The following PTPRN2 variants were observed in gnomAD, a reference collection of about 807,000 sequenced individuals.
PTPRN2 encodes the protein protein tyrosine phosphatase receptor type N2.
PTPRN2 carries 74 observed loss-of-function variants against 118.8 expected under a neutral mutation model. The ratio of observed to expected loss-of-function variants is 0.62; its 90% confidence interval spans 0.52 to 0.76. The LOEUF (loss-of-function observed/expected upper bound fraction) is 0.76, where lower values mean the gene tolerates loss of function less well. PTPRN2 is among the 30% of genes least tolerant of loss of function. The pLI, the probability that PTPRN2 is intolerant of heterozygous loss-of-function variation, is 0.00. For synonymous variants in PTPRN2, 641 were observed against 608.0 expected (o/e 1.05, Z -0.80); for missense variants, 1,481 against 1,394.4 (o/e 1.06, Z -0.99).
intron 2 of PTPRN2, among the ~76,000 whole-genome samples, chr7:158,379,846 A>G (rs560760250): frequency 9.2e-5 from 14 of 152,282 alleles, no homozygotes; most frequent in East Asian, 7.7e-4. Context: ...TGGACTCACA[A>G]TTCCACATGG....
In PTPRN2 at chr7:158,167,058, G is replaced by T. The variant is rs1012125743; in HGVS notation, c.783C>A (p.Gly261=). The T allele has an allele frequency of 4.4e-6, 7 of 1,582,346 alleles. No individual in the cohort carries two copies. The African/African-American group carries it at 9.4e-5, about 21-fold the overall frequency. ...AQRPPAPPGE[G]SLEPQYLLRA... ...GCAGAAGGTACTGTGGCTCCAGGCT[G>T]CCCTCCCCGGGGGGAGCTGGGGGCC... The change falls in exon 6 of 23, where the codon GGC becomes GGA. Residue 261 remains glycine, a synonymous_variant. Coordinates refer to ENST00000389418, the MANE Select transcript of PTPRN2 (RefSeq NM_002847.5).
Position 158,071,379 on chromosome 7 carries a change from G to T in PTPRN2, c.1723+9919C>A, listed in dbSNP as rs1473479545. On this transcript the variant is annotated intron_variant, in intron 11 of 22. Transcript: ENST00000389418. ...GGTGGAGGTGCTCATGGTGGTGGAGGTGCTCGTGGTGGAGGTGCTCGTGGT... is the reference window on the plus strand; with the variant it reads ...GGTGGAGGTGCTCATGGTGGTGGAGTTGCTCGTGGTGGAGGTGCTCGTGGT... Among the ~76,000 whole-genome samples, 55 of 95,690 alleles carry T rather than the reference G, an allele frequency of 5.7e-4. 1 individual carries two copies. Among genetic ancestry groups the T allele is most frequent in the Middle Eastern group, 8.6e-3 (1 of 116 alleles). The allele number at this position is 95,690 out of a possible 152,430, so 62.8% of individuals were successfully genotyped here. A position where few individuals can be genotyped will look rare whatever the true frequency, so the allele number is the denominator to read the frequency against.
intron 2 of PTPRN2, among the ~76,000 whole-genome samples, chr7:158,359,520 C>T (rs1051395718): frequency 8.5e-5 from 13 of 152,176 alleles, no homozygotes; most frequent in African/African-American, 2.6e-4. Context: ...AGGACTCCTG[C>T]GGCCTTCAAA....
At chr7:158,468,623 A>G (rs1819553753) in intron 2 of PTPRN2, among the ~76,000 whole-genome samples, 1 of 152,192 alleles carries the variant, frequency 6.6e-6, no homozygotes, top group South Asian at 2.1e-4. Context: ...AAGAAATCCA[A>G]CGTGCACAGA....
intron 3 of PTPRN2, among the ~76,000 whole-genome samples, chr7:158,261,178 A>C (rs2150924856): frequency 6.6e-6 from 1 of 152,268 alleles, no homozygotes. Flanking sequence ...GGAAGGTGGA[A>C]GACCCTGCCT....
At chr7:157,565,353 A>C (rs1440105586) in intron 21 of PTPRN2, among the ~76,000 whole-genome samples, 1 of 152,220 alleles carries the variant, frequency 6.6e-6, no homozygotes, top group Admixed American at 6.5e-5. Context: ...TTGGAACACA[A>C]AATTCCCGGT....
At chr7:158,280,337 C>G (rs1042666628) in intron 3 of PTPRN2, among the ~76,000 whole-genome samples, 1 of 152,188 alleles carries the variant, frequency 6.6e-6, no homozygotes. Flanking sequence ...TAGGGGAGGC[C>G]GGCAGAGCCT....
chr7:158,552,363 G>C (rs1042490976), intron 1 of PTPRN2, among the ~76,000 whole-genome samples: 4 of 152,258 alleles, frequency 2.6e-5, no homozygotes, highest in Admixed American at 2.0e-4. Context: ...CAGCTCCTAA[G>C]TCAGCCTGAG....
At chr7:157,561,147 G>C (rs1799171113) in intron 21 of PTPRN2, among the ~76,000 whole-genome samples, 2 of 151,606 alleles carry the variant, frequency 1.3e-5, no homozygotes, top group Non-Finnish European at 2.9e-5. Flanking sequence ...TCGGCCCCCG[G>C]GTCCTGTACT....
At chr7:157,795,030 C>T (rs375436265) in intron 12 of PTPRN2, among the ~76,000 whole-genome samples, 1 of 152,174 alleles carries the variant, frequency 6.6e-6, no homozygotes, top group African/African-American at 2.4e-5. Flanking sequence ...CTCACCTGTG[C>T]ACCTGGGAGG....
intron 11 of PTPRN2, among the ~76,000 whole-genome samples, chr7:157,982,423 G>T (rs531223707): frequency 7.2e-6 from 1 of 139,276 alleles, no homozygotes; most frequent in East Asian, 2.3e-4. Context: ...CCAAGTCAAA[G>T]AGACGAGGAG....
intron 12 of PTPRN2, among the ~76,000 whole-genome samples, chr7:157,844,149 G>C (rs758185471): frequency 2.1e-4 from 32 of 152,206 alleles, no homozygotes; most frequent in Non-Finnish European, 3.4e-4. Flanking sequence ...CATGGGTGTG[G>C]AACGCAGGCC....
intron 3 of PTPRN2, among the ~76,000 whole-genome samples, chr7:158,217,238 C>G (rs1828016798): frequency 6.6e-6 from 1 of 152,142 alleles, no homozygotes; most frequent in Admixed American, 6.5e-5. Context: ...CCTAGCTGCA[C>G]CTTGACCTCC....
intron 1 of PTPRN2, among the ~76,000 whole-genome samples, chr7:158,520,381 T>C (rs1823892211): frequency 6.6e-6 from 1 of 152,210 alleles, no homozygotes; most frequent in African/African-American, 2.4e-5. Context: ...TGAAAATTAT[T>C]ATTTATGTCC....
intron 10 of PTPRN2, among the ~76,000 whole-genome samples, chr7:158,106,392 C>T (rs1815684923): frequency 6.6e-6 from 1 of 152,194 alleles, no homozygotes; most frequent in Non-Finnish European, 1.5e-5. Context: ...TGCTCCCTCC[C>T]AGCTCCAGCG....
intron 5 of PTPRN2, among the ~76,000 whole-genome samples, chr7:158,176,317 A>C (rs1824205625): frequency 6.6e-6 from 1 of 152,166 alleles, no homozygotes; most frequent in Non-Finnish European, 1.5e-5. Flanking sequence ...GTGCTACACC[A>C]GGCTGTTTTC....
At chr7:158,089,597 A>AAC (rs1813840872) in intron 10 of PTPRN2, among the ~76,000 whole-genome samples, 6 of 94,738 alleles carry the variant, frequency 6.3e-5, no homozygotes, top group African/African-American at 2.6e-4. Context: ...CTTCACACAA[A>AAC]CCTTCTTCCC....
At chr7:157,873,549 G>A (rs979906125) in intron 12 of PTPRN2, among the ~76,000 whole-genome samples, 5 of 138,554 alleles carry the variant, frequency 3.6e-5, no homozygotes, top group East Asian at 2.5e-4. Context: ...CTGTCTCGTC[G>A]TGGGGGCCGG....
At chr7:157,847,315 G>C (rs1166473005) in intron 12 of PTPRN2, among the ~76,000 whole-genome samples, 3 of 102,134 alleles carry the variant, frequency 2.9e-5, no homozygotes, top group African/African-American at 3.9e-5. Flanking sequence ...ATCATGTGTG[G>C]CCGATGTTTA....
Sources: allele counts gnomAD v4.1 joint callset (sites outside exome capture counted in the v4.1 genomes callset), GRCh38; gene constraint gnomAD v4.1.1; transcripts MANE v1.5; gene names NCBI Gene and HGNC (gene_info 2026-07-23, HGNC 2026-07-21).